AHCYL1: variants seen among roughly 807,000 people sequenced by gnomAD.
AHCYL1 encodes the protein S-adenosylhomocysteine hydrolase-like protein 1.
AHCYL1 carries 20 observed loss-of-function variants against 79.3 expected under a neutral mutation model. That is an observed-to-expected ratio of 0.25 (90% CI 0.18 to 0.37). The LOEUF (loss-of-function observed/expected upper bound fraction) is 0.37, where lower values mean the gene tolerates loss of function less well. Among genes scored for constraint, AHCYL1 ranks in the 10% least tolerant of loss-of-function variants. AHCYL1 has a pLI of 1.00. For synonymous variants in AHCYL1, 223 were observed against 242.2 expected (o/e 0.92, Z 0.74); for missense variants, 330 against 673.6 (o/e 0.49, Z 5.65).
intron 6 of AHCYL1, 120 bp from the exon 7 acceptor site, chr1:110,015,305 C>G: frequency 2.6e-6 from 2 of 782,668 alleles, no homozygotes; most frequent in Non-Finnish European, 4.4e-6. Context: ...CTCTAGGGAG[C>G]TCTGAGGAGT....
At chr1:110,014,429 A>G (rs1308608218) in intron 5 of AHCYL1, among the ~76,000 whole-genome samples, 1 of 152,222 alleles carries the variant, frequency 6.6e-6, no homozygotes, top group Non-Finnish European at 1.5e-5. Context: ...AATGGAGAAC[A>G]TTTAGGTTGT....
At chr1:110,020,943 C>A in intron 16 of AHCYL1, 92 bp downstream of exon 16, 8 of 1,505,394 alleles carry the variant, frequency 5.3e-6, no homozygotes, top group Non-Finnish European at 7.1e-6. Context: ...AAATGTTGTA[C>A]CTGATTTTGA....
chr1:109,997,978 C>T (rs1650111540), intron 1 of AHCYL1, among the ~76,000 whole-genome samples: 1 of 152,162 alleles, frequency 6.6e-6, no homozygotes. Flanking sequence ...CACAGTCCTC[C>T]CCAGAGGAGT....
At chr1:110,018,933 T>C in intron 13 of AHCYL1, 118 bp from the exon 14 acceptor site, 1 of 961,976 alleles carries the variant, frequency 1.0e-6, no homozygotes, top group Admixed American at 1.8e-5. Flanking sequence ...GGAACTGTAA[T>C]TCTTCCTCTT....
chr1:110,017,888 C>A, intron 10 of AHCYL1, 58 bp from the exon 11 acceptor site: 1 of 1,542,788 alleles, frequency 6.5e-7, no homozygotes, highest in South Asian at 1.1e-5. Flanking sequence ...ATTTCATGAC[C>A]ATCTTCCCTC....
intron 7 of AHCYL1, among the ~76,000 whole-genome samples, chr1:110,016,027 A>T (rs888146743): frequency 6.6e-6 from 1 of 152,204 alleles, no homozygotes; most frequent in Non-Finnish European, 1.5e-5. Flanking sequence ...GTCTTTGTTT[A>T]TCAGAAGTAG....
intron 1 of AHCYL1, 27 bp downstream of exon 1, chr1:109,985,199 G>T (rs1471714981): frequency 6.3e-7 from 1 of 1,594,498 alleles, no homozygotes; most frequent in African/African-American, 1.3e-5. Flanking sequence ...TGGCGGCGGG[G>T]GCTCGGGCTC....
At chr1:110,011,755 A>C (rs1194762533) in intron 3 of AHCYL1, among the ~76,000 whole-genome samples, 1 of 152,198 alleles carries the variant, frequency 6.6e-6, no homozygotes, top group African/African-American at 2.4e-5. Context: ...TAAGGTAAGG[A>C]TGTGGTGACC....
chr1:109,996,035 C>A lies in AHCYL1; in HGVS notation c.120+10863C>A, dbSNP rs377264150. On this transcript the variant is annotated intron_variant, in intron 1 of 16. Transcript: ENST00000369799. ...AGGAGTTCGAGACCAGCCTGGCCAA[C>A]ATCTCTACTAAAAATACAAAAATTA... 3.3e-5 allele frequency among the ~76,000 whole-genome samples: 5 copies of A among 152,230 alleles called. No homozygotes were observed. The East Asian group carries it at 9.7e-4, about 29-fold the overall frequency.
chr1:109,994,508 C>G (rs923594268), intron 1 of AHCYL1, among the ~76,000 whole-genome samples: 1 of 152,084 alleles, frequency 6.6e-6, no homozygotes, highest in South Asian at 2.1e-4. Flanking sequence ...AGGGTGGTCT[C>G]GAACTCCTGA....
At chr1:110,008,028 T>C (rs1403312211) in intron 1 of AHCYL1, among the ~76,000 whole-genome samples, 2 of 144,768 alleles carry the variant, frequency 1.4e-5, no homozygotes, top group African/African-American at 5.1e-5. Context: ...TTGGGTTTTT[T>C]TTTTTTTTTT....
Position 110,014,820 on chromosome 1 carries a change from A to G in AHCYL1, c.638A>G (p.Asp213Gly). The G allele has an allele frequency of 6.2e-7, 1 of 1,614,190 alleles. No individual in the cohort carries two copies. The highest frequency in any genetic ancestry group is 8.5e-7 in the Non-Finnish European group (1 of 1,180,016). Reference sequence around the variant, plus strand: ...GAAGATGACTTCTGGTGGTGTATTGACCGCTGTGTGAACATGGATGGGTGG... The same window carrying G: ...GAAGATGACTTCTGGTGGTGTATTGGCCGCTGTGTGAACATGGATGGGTGG... ...ESEDDFWWCIDRCVNMDGWQA... is the reference protein window; with the variant it reads ...ESEDDFWWCIGRCVNMDGWQA... The change falls in exon 6 of 17, where the codon GAC becomes GGC. Residue 213 changes from aspartate (D) to glycine (G), a missense_variant. Around this residue, in one of 6 missense-constraint regions of AHCYL1, gnomAD observed 25 missense variants for 27.7 expected, o/e 0.90. Transcript: ENST00000369799.
intron 16 of AHCYL1, among the ~76,000 whole-genome samples, chr1:110,021,452 G>A (rs1651787278): frequency 6.6e-6 from 1 of 152,080 alleles, no homozygotes. Flanking sequence ...AGTCAGGGTT[G>A]AAAAAACACT....
At chr1:110,002,212 T>C (rs1650353525) in intron 1 of AHCYL1, among the ~76,000 whole-genome samples, 1 of 152,220 alleles carries the variant, frequency 6.6e-6, no homozygotes, top group African/African-American at 2.4e-5. Flanking sequence ...ATAGCAATTA[T>C]CACACCTCTT....
chr1:109,991,724 T>C (rs920431188), intron 1 of AHCYL1, among the ~76,000 whole-genome samples: 2 of 152,208 alleles, frequency 1.3e-5, no homozygotes, highest in African/African-American at 2.4e-5. Context: ...TCCACAATGA[T>C]GTGTGGCTCA....
chr1:110,015,626 C>A, intron 7 of AHCYL1, 95 bp downstream of exon 7: 2 of 963,474 alleles, frequency 2.1e-6, no homozygotes, highest in Non-Finnish European at 3.2e-6. Context: ...AGACTTATAA[C>A]TAAATGGGAA....
chr1:109,989,059 C>T (rs1649611004), intron 1 of AHCYL1, among the ~76,000 whole-genome samples: 1 of 152,184 alleles, frequency 6.6e-6, no homozygotes, highest in Admixed American at 6.5e-5. Context: ...TCTTGATTCT[C>T]CTTAGAGTGG....
chr1:110,001,791 A>C (rs1650326842), intron 1 of AHCYL1, among the ~76,000 whole-genome samples: 1 of 152,226 alleles, frequency 6.6e-6, no homozygotes, highest in Non-Finnish European at 1.5e-5. Context: ...ATATGTCAAA[A>C]TCAAAGAGAA....
chr1:109,989,332 G>A (rs149565348), intron 1 of AHCYL1, among the ~76,000 whole-genome samples: 5 of 152,214 alleles, frequency 3.3e-5, no homozygotes, highest in Non-Finnish European at 7.4e-5. Context: ...TATCAGGAGT[G>A]TGTCATTTGG....
Sources: allele counts gnomAD v4.1 joint callset (sites outside exome capture counted in the v4.1 genomes callset), GRCh38; gene constraint gnomAD v4.1.1; regional missense constraint gnomAD v4.1.1; transcripts MANE v1.5; gene names NCBI Gene and HGNC (gene_info 2026-07-23, HGNC 2026-07-21).